Variants in GMCL1 observed in about 807,000 individuals in gnomAD.
GMCL1 encodes germ cell-less 1, spermatogenesis associated.
A neutral mutation model predicts 75.5 loss-of-function variants in GMCL1; 54 were observed. The observed-to-expected ratio is 0.71, with a 90% CI of 0.57 to 0.90. The LOEUF is 0.90. GMCL1 is among the 40% of genes least tolerant of loss of function. The probability of loss-of-function intolerance (pLI) is 0.00; values close to 1 mark genes in which losing one functional copy is unlikely to be tolerated. For missense variants in GMCL1, 537 were observed against 622.7 expected (o/e 0.86, Z 1.47); for synonymous variants, 210 against 209.6 (o/e 1.00, Z -0.02).
chr2:69,861,108 G>T (rs769588051), intron 9 of GMCL1, among the ~76,000 whole-genome samples, 170 bp from the exon 10 acceptor site: 1 of 152,172 alleles, frequency 6.6e-6, no homozygotes, highest in Non-Finnish European at 1.5e-5. Flanking sequence ...CTCCCAAAGT[G>T]CTGGGATTAT....
At chr2:69,843,080 T>G (rs1675032600) in intron 4 of GMCL1, 69 bp from the exon 5 acceptor site, 3 of 673,328 alleles carry the variant, frequency 4.5e-6, no homozygotes, top group Non-Finnish European at 2.5e-6. Flanking sequence ...CTTTTTAATA[T>G]GTAAAAGCTG....
At chr2:69,861,255 A>T in intron 9 of GMCL1, 23 bp from the exon 10 acceptor site, 1 of 1,477,860 alleles carries the variant, frequency 6.8e-7, no homozygotes, top group Non-Finnish European at 9.3e-7. Context: ...ATTTATTATT[A>T]TTAATTTATT....
rs571177119 is a variant in GMCL1, at chr2:69,861,285, C to G, written c.1080C>G (p.Leu360=). The G allele has an allele frequency of 1.2e-5, 20 of 1,602,026 alleles. No individual in the cohort carries two copies. In the South Asian group the frequency reaches 2.0e-4, roughly 16 times the overall value. ...EQDAVVPSEW[L]SSVYKQQWFA... Reference sequence around the variant, plus strand: ...TTTATTCTTACATTTCAGAATGGCTCTCTTCTGTGTATAAACAGCAGTGGT... The same window carrying G: ...TTTATTCTTACATTTCAGAATGGCTGTCTTCTGTGTATAAACAGCAGTGGT... The change falls in exon 10 of 14, where the codon CTC becomes CTG. Residue 360 remains leucine, a synonymous_variant. Transcript: ENST00000282570.
chr2:69,878,190 T>C lies in GMCL1; in HGVS notation c.1453-719T>C, dbSNP rs553161201. On this transcript the variant is annotated intron_variant, in intron 13 of 13. Transcript: ENST00000282570. ...AACTGAACCTGAAATTGCTTTTCCA[T>C]GATAATGTATTTTATGTTTCAGGAG... Among the ~76,000 whole-genome samples the C allele has an allele frequency of 5.4e-4, 83 of 152,322 alleles. 1 individual carries two copies. In the South Asian group the frequency reaches 6.6e-3, roughly 12 times the overall value.
intron 10 of GMCL1, among the ~76,000 whole-genome samples, chr2:69,864,241 G>T (rs1434924534): frequency 6.6e-6 from 1 of 151,320 alleles, no homozygotes; most frequent in East Asian, 1.9e-4. Flanking sequence ...TGCTATTATT[G>T]TACCCAATTT....
intron 9 of GMCL1, among the ~76,000 whole-genome samples, chr2:69,860,388 CTG>C (rs1181971655): frequency 6.6e-6 from 1 of 151,954 alleles, no homozygotes; most frequent in Non-Finnish European, 1.5e-5. Context: ...AAAGGAATGT[CTG>C]TAATTACAAT....
intron 4 of GMCL1, 175 bp from the exon 5 acceptor site, chr2:69,842,974 T>A: frequency 2.6e-6 from 1 of 388,174 alleles, no homozygotes; most frequent in South Asian, 4.8e-5. Context: ...TTTTTCAGTA[T>A]TTTTATTGGA....
intron 1 of GMCL1, among the ~76,000 whole-genome samples, chr2:69,832,219 C>T (rs1365901035): frequency 8.5e-6 from 1 of 117,836 alleles, no homozygotes; most frequent in African/African-American, 2.9e-5. Flanking sequence ...GACTCTGTCT[C>T]AAAAAAAAAA....
chr2:69,832,856 A>G (rs1445341403), intron 1 of GMCL1, among the ~76,000 whole-genome samples: 1 of 152,258 alleles, frequency 6.6e-6, no homozygotes, highest in East Asian at 1.9e-4. Context: ...AGAATTAACT[A>G]CTGAGGACAA....
chr2:69,844,590 C>A (rs1042310442), intron 6 of GMCL1: 1 of 141,402 alleles, frequency 7.1e-6, no homozygotes. Flanking sequence ...CATGTTGATC[C>A]GTTTTCTCAC....
intron 8 of GMCL1, among the ~76,000 whole-genome samples, chr2:69,854,094 C>T (rs112831088): frequency 6.1e-4 from 92 of 151,246 alleles, no homozygotes; most frequent in Non-Finnish European, 1.1e-3. Flanking sequence ...TGAGCCACCA[C>T]GCCCAGCCAA....
At chr2:69,878,369 C>T (rs1297591979) in intron 13 of GMCL1, among the ~76,000 whole-genome samples, 1 of 152,128 alleles carries the variant, frequency 6.6e-6, no homozygotes, top group Non-Finnish European at 1.5e-5. Context: ...CACAGTGGCA[C>T]CTGCCTGTAG....
chr2:69,831,711 A>G (rs1573336224), intron 1 of GMCL1, among the ~76,000 whole-genome samples: 1 of 152,082 alleles, frequency 6.6e-6, no homozygotes, highest in South Asian at 2.1e-4. Context: ...GAATCAGGCA[A>G]TTCTCCCACC....
At position 69,847,572 on chromosome 2, in the gene GMCL1, C is replaced by A; in HGVS notation, c.788C>A (p.Ser263Ter). 1 of 1,610,584 alleles carries A rather than the reference C, an allele frequency of 6.2e-7. No individual in the cohort carries two copies. Among genetic ancestry groups the A allele is most frequent in the South Asian group, 1.1e-5 (1 of 90,998 alleles). Residue 263 changes from serine (S) to a stop codon, truncating the protein, a stop_gained, in exon 7 of 14, where the codon TCA becomes TAA. Coordinates refer to ENST00000282570, the MANE Select transcript of GMCL1 (RefSeq NM_178439.5). LOFTEE classifies it high-confidence loss of function. ...AATGTCATGAAACAGCTCATTGGTTCATCTAACTTATTTGTGATGCAAGTG... is the reference window on the plus strand; with the variant it reads ...AATGTCATGAAACAGCTCATTGGTTAATCTAACTTATTTGTGATGCAAGTG... ...SINVMKQLIGSSNLFVMQVEM... is the reference protein window; with the variant it reads ...SINVMKQLIG
intron 10 of GMCL1, among the ~76,000 whole-genome samples, chr2:69,863,295 A>C (rs1043282931): frequency 1.3e-5 from 2 of 152,198 alleles, no homozygotes; most frequent in African/African-American, 4.8e-5. Flanking sequence ...CTGTTGTTCA[A>C]GGGTCAACTG....
chr2:69,845,626 A>C (rs1196691591), intron 6 of GMCL1, among the ~76,000 whole-genome samples: 3 of 152,212 alleles, frequency 2.0e-5, no homozygotes, highest in Admixed American at 1.3e-4. Flanking sequence ...TTCCTGCAGC[A>C]AGTACTTCCT....
At chr2:69,869,097 A>G (rs1390440050) in intron 11 of GMCL1, among the ~76,000 whole-genome samples, 1 of 150,122 alleles carries the variant, frequency 6.7e-6, no homozygotes, top group Non-Finnish European at 1.5e-5. Flanking sequence ...TACTAAAAAT[A>G]CAAAATTAGC....
At chr2:69,838,259 C>G (rs980217060) in intron 2 of GMCL1, among the ~76,000 whole-genome samples, 1 of 139,852 alleles carries the variant, frequency 7.2e-6, no homozygotes, top group African/African-American at 2.7e-5. Flanking sequence ...ATTGCTTGAA[C>G]CTGGGAGATG....
Position 69,871,727 on chromosome 2 carries a change from T to A in GMCL1, c.1365-18T>A. 1.1e-6 allele frequency: 1 copy of A among 920,568 alleles called. No homozygotes were observed. The highest frequency in any genetic ancestry group is 1.6e-6 in the Non-Finnish European group (1 of 639,438). 57.0% of individuals were successfully genotyped at this position (920,568 alleles called of 1,614,324 possible). A position where few individuals can be genotyped will look rare whatever the true frequency, so the allele number is the denominator to read the frequency against. ...TTAAAAATCTTGTGTTTATTTTTTA[T>A]TTTTTTTTTAATCCTAGATTACGTT... On this transcript the variant is annotated intron_variant, in intron 12 of 13. Coordinates refer to ENST00000282570, the MANE Select transcript of GMCL1 (RefSeq NM_178439.5).
Sources: gnomAD v4.1 joint callset for allele counts (sites outside exome capture counted in the v4.1 genomes callset) on GRCh38, gnomAD v4.1.1 for gene constraint, MANE v1.5 for transcripts, NCBI Gene and HGNC (gene_info 2026-07-23, HGNC 2026-07-21) for gene names.